PCDHA7: variants seen among roughly 807,000 people sequenced by gnomAD.
The protein encoded by PCDHA7 is protocadherin alpha 7.
A neutral mutation model predicts 57.2 loss-of-function variants in PCDHA7; 37 were observed. The observed-to-expected ratio is 0.65, with a 90% CI of 0.50 to 0.85. The LOEUF (loss-of-function observed/expected upper bound fraction) is 0.85, where lower values mean the gene tolerates loss of function less well. Among genes scored for constraint, PCDHA7 ranks in the 40% least tolerant of loss-of-function variants. PCDHA7 has a pLI of 0.00. For missense variants in PCDHA7, 1,188 were observed against 1,241.8 expected (o/e 0.96, Z 0.65); for synonymous variants, 553 against 558.8 (o/e 0.99, Z 0.15).
chr5:140,842,130 A>C (rs2150330073), intron 1 of PCDHA7: 1 of 1,613,892 alleles, frequency 6.2e-7, no homozygotes, highest in Non-Finnish European at 8.5e-7. Flanking sequence ...TCTGATCCGG[A>C]TGAAGGAGCC....
At position 141,011,492 on chromosome 5, in the gene PCDHA7, A is replaced by T. The variant is rs2098420803; in HGVS notation, c.*1555A>T. On this transcript the variant is annotated 3_prime_UTR_variant, in exon 4 of 4. Coordinates refer to ENST00000525929, the MANE Select transcript of PCDHA7 (RefSeq NM_018910.3). ...AATTCCATTATATTTCCTTTTGTAC[A>T]CCTGTGAAAAAGTGGAGTAGTGTTT... The T allele has an allele frequency of 1.3e-5, 2 of 153,698 alleles. No individual in the cohort carries two copies. The highest frequency in any genetic ancestry group is 2.9e-5 in the Non-Finnish European group (2 of 68,026). 9.5% of individuals were successfully genotyped at this position (153,698 alleles called of 1,614,324 possible).
At chr5:140,926,117 A>G (rs2082917656) in intron 1 of PCDHA7, among the ~76,000 whole-genome samples, 1 of 152,190 alleles carries the variant, frequency 6.6e-6, no homozygotes, top group Admixed American at 6.5e-5. Flanking sequence ...GGTGCAGGAC[A>G]GACTTCAACC....
chr5:140,904,502 G>T (rs1554191560), intron 1 of PCDHA7, among the ~76,000 whole-genome samples: 2 of 151,770 alleles, frequency 1.3e-5, no homozygotes, highest in African/African-American at 4.8e-5. Flanking sequence ...TTTTACAATT[G>T]TGAATTGTGC....
intron 1 of PCDHA7, among the ~76,000 whole-genome samples, chr5:140,954,531 G>A (rs564993313): frequency 4.6e-5 from 7 of 152,218 alleles, no homozygotes; most frequent in African/African-American, 1.4e-4. Context: ...GTGATGTTGA[G>A]GTTTTTTTCA....
chr5:140,925,721 T>C lies in PCDHA7; in HGVS notation c.2356-53228T>C, dbSNP rs1360748997. Among the ~76,000 whole-genome samples the C allele has an allele frequency of 3.3e-5, 5 of 151,692 alleles. No individual in the cohort carries two copies. In the East Asian group the frequency reaches 7.7e-4, roughly 23 times the overall value. ...AGCCTATTCTTATCCTGCCTCATGG[T>C]GTTTTCTAAATATTTACAGAAAGAA... On this transcript the variant is annotated intron_variant, in intron 1 of 3. Transcript: ENST00000525929.
chr5:140,890,515 T>C (rs996565867), intron 1 of PCDHA7, among the ~76,000 whole-genome samples: 2 of 152,198 alleles, frequency 1.3e-5, no homozygotes, highest in African/African-American at 4.8e-5. Context: ...CTCTATTTCC[T>C]TCCTTTGTTG....
At position 140,835,926 on chromosome 5, in the gene PCDHA7, G is replaced by C; in HGVS notation, c.1543G>C (p.Gly515Arg). 1.2e-6 allele frequency: 2 copies of C among 1,612,440 alleles called. No homozygotes were observed. Among genetic ancestry groups the C allele is most frequent in the South Asian group, 1.1e-5 (1 of 91,026 alleles). The change falls in exon 1 of 4, where the codon GGC becomes CGC. Residue 515 changes from glycine to arginine, a missense_variant. Around this residue, in one of 3 missense-constraint regions of PCDHA7, gnomAD observed 892 missense variants for 788.5 expected, o/e 1.13. Coordinates refer to ENST00000525929, the MANE Select transcript of PCDHA7 (RefSeq NM_018910.3). The part of the protein sequence containing the change: ...SSYVSVHAES[G>R]KVYALQPLDH... Reference sequence around the variant, plus strand: ...CTACGTGTCAGTGCACGCGGAGAGCGGCAAGGTGTACGCGCTGCAGCCGTT... The same window carrying C: ...CTACGTGTCAGTGCACGCGGAGAGCCGCAAGGTGTACGCGCTGCAGCCGTT...
chr5:140,971,970 A>C (rs2096510217), intron 1 of PCDHA7, among the ~76,000 whole-genome samples: 1 of 152,130 alleles, frequency 6.6e-6, no homozygotes, highest in Non-Finnish European at 1.5e-5. Flanking sequence ...TTTTTTCAAT[A>C]CTATGAGTAG....
intron 1 of PCDHA7, among the ~76,000 whole-genome samples, chr5:140,937,626 A>G (rs2091639486): frequency 6.6e-6 from 1 of 150,782 alleles, no homozygotes; most frequent in Non-Finnish European, 1.5e-5. Context: ...AAAAAGAAAA[A>G]GAAAGGCAGG....
intron 1 of PCDHA7, among the ~76,000 whole-genome samples, chr5:140,874,488 A>G (rs1452122658): frequency 2.0e-5 from 3 of 152,254 alleles, no homozygotes; most frequent in African/African-American, 7.2e-5. Flanking sequence ...CAAAAGGTTG[A>G]TATCAAGTTC....
chr5:140,886,458 T>G (rs888629917), intron 1 of PCDHA7, among the ~76,000 whole-genome samples: 1 of 152,174 alleles, frequency 6.6e-6, no homozygotes, highest in Non-Finnish European at 1.5e-5. Flanking sequence ...TTGTCATATA[T>G]AAATGTTTTT....
At chr5:140,980,448 G>A (rs1333028932) in intron 2 of PCDHA7, among the ~76,000 whole-genome samples, 7 of 152,122 alleles carry the variant, frequency 4.6e-5, no homozygotes, top group African/African-American at 9.7e-5. Flanking sequence ...TGGACAACAC[G>A]GTGAAACCCT....
chr5:140,906,827 G>C (rs2153497509), intron 1 of PCDHA7, among the ~76,000 whole-genome samples: 1 of 152,308 alleles, frequency 6.6e-6, no homozygotes, highest in South Asian at 2.1e-4. Flanking sequence ...TGGAGTAGTA[G>C]ACTGATTTCA....
chr5:140,977,543 A>G (rs905389015), intron 1 of PCDHA7, among the ~76,000 whole-genome samples: 3 of 152,224 alleles, frequency 2.0e-5, no homozygotes. Context: ...AGCAGCTTGC[A>G]TATGCATATC....
chr5:140,969,177 A>C, intron 1 of PCDHA7: 2 of 1,614,086 alleles, frequency 1.2e-6, no homozygotes, highest in Non-Finnish European at 1.7e-6. Flanking sequence ...TCAGGGAGTG[A>C]CACTTTCATG....
rs781970996 is a variant in PCDHA7 at position 140,869,968 on chromosome 5, A to AT, written c.2355+33230_2355+33231insT. 5 of 1,613,220 alleles carry AT rather than the reference A, an allele frequency of 3.1e-6. No homozygotes were observed. The South Asian group carries it at 5.5e-5, about 18-fold the overall frequency. On this transcript the variant is annotated intron_variant, in intron 1 of 3. Coordinates refer to ENST00000525929, the MANE Select transcript of PCDHA7 (RefSeq NM_018910.3). ...CTTAATGTCAATTAAGCCCAATGGA[A>AT]GACACTTATTTACACTAGATCAAAA...
intron 1 of PCDHA7, among the ~76,000 whole-genome samples, chr5:140,965,230 C>T (rs2095881666): frequency 6.6e-6 from 1 of 152,126 alleles, no homozygotes; most frequent in Non-Finnish European, 1.5e-5. Flanking sequence ...ATGTGAGAAC[C>T]TGGGAAGAGT....
At chr5:140,987,560 G>A (rs2097259227) in intron 3 of PCDHA7, among the ~76,000 whole-genome samples, 36 of 152,130 alleles carry the variant, frequency 2.4e-4, no homozygotes, top group Admixed American at 2.4e-3. Flanking sequence ...CTGATTCTCA[G>A]TTTCTTTCTC....
At chr5:140,965,128 A>G (rs2095876420) in intron 1 of PCDHA7, among the ~76,000 whole-genome samples, 1 of 152,244 alleles carries the variant, frequency 6.6e-6, no homozygotes, top group African/African-American at 2.4e-5. Flanking sequence ...AGATCTACAG[A>G]TGACAGAATA....
Sources: allele counts gnomAD v4.1 joint callset (sites outside exome capture counted in the v4.1 genomes callset), GRCh38; gene constraint gnomAD v4.1.1; regional missense constraint gnomAD v4.1.1; transcripts MANE v1.5; gene names NCBI Gene and HGNC (gene_info 2026-07-23, HGNC 2026-07-21).